Variants in GRIN2A observed in about 807,000 individuals in gnomAD.
GRIN2A encodes the protein glutamate ionotropic receptor NMDA type subunit 2A.
A neutral mutation model predicts 113.4 loss-of-function variants in GRIN2A; 22 were observed. The ratio of observed to expected loss-of-function variants is 0.19; its 90% CI spans 0.14 to 0.28. The LOEUF (loss-of-function observed/expected upper bound fraction) is 0.28, where lower values mean the gene tolerates loss of function less well. Ranked by LOEUF, GRIN2A falls within the 10% of genes least tolerant of loss-of-function variation. The pLI is 1.00. For missense variants in GRIN2A, 1,502 were observed against 1,887.0 expected (o/e 0.80, Z 3.78); for synonymous variants, 827 against 738.4 (o/e 1.12, Z -1.94).
At chr16:10,072,561 T>C (rs564560186) in intron 2 of GRIN2A, among the ~76,000 whole-genome samples, 38 of 152,246 alleles carry the variant, frequency 2.5e-4, no homozygotes, top group Non-Finnish European at 3.8e-4. Context: ...GTGATTATAG[T>C]ATGCAGTCAA....
chr16:10,106,635 C>G lies in GRIN2A; in HGVS notation c.414+73363G>C, dbSNP rs375244193. Reference sequence around the variant, plus strand: ...CCCCCAGAAGGCACTCCGATGACGTCTGTTGAATGGATAGATGAGAATGCA... The same window carrying G: ...CCCCCAGAAGGCACTCCGATGACGTGTGTTGAATGGATAGATGAGAATGCA... On this transcript the variant is annotated intron_variant, in intron 2 of 12. Transcript: ENST00000330684. Among the ~76,000 whole-genome samples the G allele has an allele frequency of 4.6e-5, 7 of 152,208 alleles. No homozygotes were observed. The East Asian group carries it at 9.7e-4, about 21-fold the overall frequency.
Position 9,829,705 on chromosome 16 carries a change from T to G in GRIN2A, c.1778-53A>C, listed in dbSNP as rs1401338857. 2.3e-6 allele frequency: 3 copies of G among 1,315,930 alleles called. No homozygotes were observed. In the African/African-American group the frequency reaches 4.3e-5, roughly 19 times the overall value. The allele number at this position is 1,315,930 out of a possible 1,614,324, so 81.5% of individuals were successfully genotyped here. On this transcript the variant is annotated intron_variant, in intron 8 of 12. Transcript: ENST00000330684. ...GCATTTTCTGAAAAAAATGCCTGTT[T>G]GTGTATGACAACCACGCAGCAGCCA...
At chr16:9,807,148 G>T (rs1165462883) in intron 10 of GRIN2A, among the ~76,000 whole-genome samples, 1 of 145,792 alleles carries the variant, frequency 6.9e-6, no homozygotes, top group Non-Finnish European at 1.5e-5. Flanking sequence ...AAATTATCCA[G>T]TATCGGGTAT....
At chr16:10,124,942 G>A (rs2060335340) in intron 2 of GRIN2A, among the ~76,000 whole-genome samples, 1 of 152,138 alleles carries the variant, frequency 6.6e-6, no homozygotes, top group Non-Finnish European at 1.5e-5. Flanking sequence ...AGAATAGTGG[G>A]AAGAGCATTC....
At chr16:10,080,561 G>A (rs894019084) in intron 2 of GRIN2A, among the ~76,000 whole-genome samples, 17 of 152,154 alleles carry the variant, frequency 1.1e-4, no homozygotes, top group Non-Finnish European at 1.0e-4. Context: ...CGAGCAACAC[G>A]CCTGCCACAG....
chr16:9,988,239 C>T (rs1182835054), intron 2 of GRIN2A, among the ~76,000 whole-genome samples: 1 of 151,308 alleles, frequency 6.6e-6, no homozygotes, highest in African/African-American at 2.4e-5. Flanking sequence ...TGTGTCTCTC[C>T]TGAACACTGA....
At chr16:10,049,558 T>C (rs1014153127) in intron 2 of GRIN2A, among the ~76,000 whole-genome samples, 10 of 152,112 alleles carry the variant, frequency 6.6e-5, no homozygotes, top group African/African-American at 2.2e-4. Context: ...TTTGTATTTT[T>C]AGTAGAGACA....
At chr16:10,098,131 C>A (rs887838305) in intron 2 of GRIN2A, among the ~76,000 whole-genome samples, 2 of 151,740 alleles carry the variant, frequency 1.3e-5, no homozygotes, top group East Asian at 3.9e-4. Context: ...CAAGCCCAAA[C>A]AAAAGTGGGC....
At position 9,834,054 on chromosome 16, in the gene GRIN2A, G is replaced by C. The variant is rs1206557639; in HGVS notation, c.1777+51C>G. ...TTCTAAAACTGAAATTTTCATTAAA[G>C]GTAAATGAAATTGCAACAACATTGA... On this transcript the variant is annotated intron_variant, in intron 8 of 12. Transcript: ENST00000330684. The C allele has an allele frequency of 3.2e-6, 5 of 1,578,052 alleles. No homozygotes were observed. The African/African-American group carries it at 4.0e-5, about 13-fold the overall frequency.
At chr16:10,062,995 T>C (rs966926968) in intron 2 of GRIN2A, among the ~76,000 whole-genome samples, 3 of 152,068 alleles carry the variant, frequency 2.0e-5, no homozygotes, top group African/African-American at 4.8e-5. Flanking sequence ...CAGTGGTGGA[T>C]TGGATAAAGA....
intron 2 of GRIN2A, among the ~76,000 whole-genome samples, chr16:10,099,060 C>A (rs747352167): frequency 2.6e-5 from 4 of 151,882 alleles, no homozygotes; most frequent in East Asian, 1.9e-4. Context: ...AGAAAATGCT[C>A]AAAAAAACCA....
At chr16:9,917,726 T>C (rs967741289) in intron 3 of GRIN2A, among the ~76,000 whole-genome samples, 5 of 152,218 alleles carry the variant, frequency 3.3e-5, no homozygotes, top group Admixed American at 3.3e-4. Flanking sequence ...GACATGGTTG[T>C]GTGGTTGGAT....
chr16:10,034,978 G>A (rs979001127), intron 2 of GRIN2A, among the ~76,000 whole-genome samples: 4 of 152,026 alleles, frequency 2.6e-5, no homozygotes, highest in South Asian at 2.1e-4. Context: ...ACTCATCCTG[G>A]CTCACAAATC....
intron 2 of GRIN2A, chr16:10,112,315 T>C: frequency 1.6e-6 from 1 of 645,146 alleles, no homozygotes; most frequent in South Asian, 1.7e-5. Context: ...GCTAAGAACC[T>C]GATTGACACT....
At chr16:9,785,245 A>T (rs1328264781) in intron 11 of GRIN2A, among the ~76,000 whole-genome samples, 1 of 152,160 alleles carries the variant, frequency 6.6e-6, no homozygotes, top group South Asian at 2.1e-4. Context: ...TACAACATGG[A>T]ATACTATGCA....
At chr16:10,125,014 C>A (rs1173357172) in intron 2 of GRIN2A, among the ~76,000 whole-genome samples, 1 of 152,166 alleles carries the variant, frequency 6.6e-6, no homozygotes, top group African/African-American at 2.4e-5. Flanking sequence ...AGGAAAATGA[C>A]AGCAAACAAA....
intron 2 of GRIN2A, among the ~76,000 whole-genome samples, chr16:10,067,202 A>T (rs2142020567): frequency 6.6e-6 from 1 of 152,194 alleles, no homozygotes; most frequent in African/African-American, 2.4e-5. Context: ...GCTTTTTCTG[A>T]AGCCGTTTTT....
At chr16:9,869,799 G>A (rs1423028860) in intron 4 of GRIN2A, among the ~76,000 whole-genome samples, 2 of 152,198 alleles carry the variant, frequency 1.3e-5, no homozygotes, top group African/African-American at 2.4e-5. Flanking sequence ...TATATACAGG[G>A]ATCTTAGAAG....
chr16:10,068,119 G>T (rs184319716), intron 2 of GRIN2A, among the ~76,000 whole-genome samples: 12 of 152,308 alleles, frequency 7.9e-5, no homozygotes, highest in Admixed American at 3.9e-4. Context: ...CTCTCCTTGT[G>T]GTCCTCTGCT....
Sources: allele counts gnomAD v4.1 joint callset (sites outside exome capture counted in the v4.1 genomes callset), GRCh38; gene constraint gnomAD v4.1.1; transcripts MANE v1.5; gene names NCBI Gene and HGNC (gene_info 2026-07-23, HGNC 2026-07-21).